TENM1: variants seen among roughly 807,000 people sequenced by gnomAD.
TENM1 encodes the protein teneurin-1.
Under a neutral mutation model 174.8 loss-of-function variants are expected in TENM1, and 35 were observed. That is an observed-to-expected ratio of 0.20 (90% CI 0.15 to 0.27). The LOEUF (loss-of-function observed/expected upper bound fraction) is 0.27, where lower values mean the gene tolerates loss of function less well. Among genes scored for constraint, TENM1 ranks in the 10% least tolerant of loss-of-function variants. The pLI, the probability that TENM1 is intolerant of heterozygous loss-of-function variation, is 1.00. For synonymous variants in TENM1, 781 were observed against 798.7 expected, an observed-to-expected ratio of 0.98 and a Z score of 0.37; for missense variants, 1,633 against 2,130.1, an observed-to-expected ratio of 0.77 and a Z score of 4.59.
intron 1 of TENM1, among the ~76,000 whole-genome samples, chrX:124,948,725 T>C (rs1185745647): frequency 8.9e-6 from 1 of 112,020 alleles, no homozygotes; most frequent in East Asian, 2.8e-4. Context: ...GCTAATTTTT[T>C]GTATTTTTAA....
At chrX:124,972,126 G>A in the TENM1 span, among the ~76,000 whole-genome samples, 7 of 108,932 alleles carry the variant, frequency 6.4e-5, no homozygotes, top group African/African-American at 2.0e-4. Flanking sequence ...CCAGCTATTC[G>A]GGATGCTGAG....
intron 3 of TENM1, among the ~76,000 whole-genome samples, chrX:124,842,170 C>T (rs1355360042): frequency 9.0e-6 from 1 of 111,383 alleles, no homozygotes; most frequent in Non-Finnish European, 1.9e-5. Flanking sequence ...CAGTCTACTG[C>T]CTAGAACTCC....
intron 3 of TENM1, among the ~76,000 whole-genome samples, chrX:124,832,814 A>G (rs1193120661): frequency 8.9e-6 from 1 of 111,970 alleles, no homozygotes; most frequent in African/African-American, 3.2e-5. Context: ...GGCTCAAGAG[A>G]TCCTCCCGCC....
intron 15 of TENM1, among the ~76,000 whole-genome samples, chrX:124,533,387 A>G (rs904094870): frequency 2.7e-5 from 3 of 111,205 alleles, no homozygotes; most frequent in African/African-American, 9.8e-5. Flanking sequence ...TTTTTTCCAA[A>G]GTTAGATCCT....
chrX:125,146,686 T>C, the TENM1 span, among the ~76,000 whole-genome samples: 1 of 111,357 alleles, frequency 9.0e-6, no homozygotes, highest in East Asian at 2.8e-4. Context: ...CTAGAATGCA[T>C]ATCTAGTGAG....
At chrX:125,172,063 T>C in the TENM1 span, among the ~76,000 whole-genome samples, 1 of 111,653 alleles carries the variant, frequency 9.0e-6, no homozygotes, top group Non-Finnish European at 1.9e-5. Context: ...CTTAGAGAGC[T>C]AGATAAAGAG....
At chrX:124,880,428 G>A (rs952059074) in intron 3 of TENM1, among the ~76,000 whole-genome samples, 8 of 111,801 alleles carry the variant, frequency 7.2e-5, no homozygotes, top group African/African-American at 2.3e-4. Flanking sequence ...TTTTGTTGAC[G>A]TCTTAAGGAT....
At chrX:125,135,982 C>T in the TENM1 span, among the ~76,000 whole-genome samples, 3,853 of 111,688 alleles carry the variant, frequency 0.034, 175 homozygotes, top group African/African-American at 0.12. Context: ...TCTACCTTTA[C>T]AACATTTTAA....
chrX:124,381,416 G>T, intron 31 of TENM1, 122 bp from the exon 35 acceptor site: 1 of 655,843 alleles, frequency 1.5e-6, no homozygotes, highest in Non-Finnish European at 2.2e-6. Flanking sequence ...GTCAGTGAGT[G>T]ATTTAAAAAT....
intron 11 of TENM1, among the ~76,000 whole-genome samples, chrX:124,637,381 C>T (rs951851155): frequency 1.8e-5 from 2 of 110,892 alleles, no homozygotes; most frequent in Non-Finnish European, 3.8e-5. Flanking sequence ...AGCCACCGCG[C>T]CTGGCCCCAA....
intron 3 of TENM1, among the ~76,000 whole-genome samples, chrX:124,746,946 G>A (rs899708764): frequency 2.7e-5 from 3 of 110,120 alleles, no homozygotes; most frequent in East Asian, 5.7e-4. Context: ...TGCCAACATA[G>A]TGAAACCAAA....
intron 22 of TENM1, among the ~76,000 whole-genome samples, chrX:124,477,726 A>T: frequency 1.0e-5 from 1 of 96,580 alleles, no homozygotes; most frequent in East Asian, 3.3e-4. Flanking sequence ...CACTCCAGCC[A>T]GGGTGACAGC....
At chrX:124,858,463 C>A (rs914853258) in intron 3 of TENM1, among the ~76,000 whole-genome samples, 4 of 111,707 alleles carry the variant, frequency 3.6e-5, no homozygotes, top group Non-Finnish European at 7.5e-5. Context: ...ATTGACCATG[C>A]CATGATCCAA....
chrX:124,946,504 A>C lies in TENM1; in HGVS notation c.217+17033T>G, dbSNP rs1420209735. Among the ~76,000 whole-genome samples the C allele has an allele frequency of 3.6e-5, 4 of 111,423 alleles. No individual in the cohort carries two copies. In the East Asian group the frequency reaches 1.1e-3, roughly 32 times the overall value. ...GGCTGTCTGATGTTTAATAGTTGGG[A>C]GGATGAGAAGGATCCAATAAAAGAG... On this transcript the variant is annotated intron_variant, in intron 1 of 31. Coordinates refer to ENST00000422452, the Ensembl canonical transcript of TENM1.
At chrX:124,792,442 G>T (rs912234927) in intron 3 of TENM1, among the ~76,000 whole-genome samples, 6 of 112,009 alleles carry the variant, frequency 5.4e-5, no homozygotes, top group Non-Finnish European at 1.1e-4. Flanking sequence ...AGAAGAGAGA[G>T]AATTTTCTAG....
At chrX:124,482,321 C>T (rs1404424860) in intron 21 of TENM1, among the ~76,000 whole-genome samples, 1 of 109,889 alleles carries the variant, frequency 9.1e-6, no homozygotes, top group African/African-American at 3.3e-5. Context: ...ACCTCAAACT[C>T]AACATATCCA....
At chrX:124,904,688 T>C (rs973739579) in intron 1 of TENM1, among the ~76,000 whole-genome samples, 36 of 112,253 alleles carry the variant, frequency 3.2e-4, no homozygotes, top group Admixed American at 1.0e-3. Flanking sequence ...ATCTTCTGAC[T>C]GAAATAGTCA....
At position 124,471,429 on chromosome X, in the gene TENM1, T is replaced by C. The variant is rs1209701027; in HGVS notation, c.3949+10303A>G. 8.5e-5 allele frequency among the ~76,000 whole-genome samples: 5 copies of C among 58,881 alleles called. 1 individual carries two copies. Among genetic ancestry groups the C allele is most frequent in the Non-Finnish European group, 1.4e-4 (5 of 36,180 alleles). The allele number at this position is 58,881 out of a possible 115,157, so 51.1% of individuals were successfully genotyped here. On this transcript the variant is annotated intron_variant, in intron 22 of 31. Coordinates refer to ENST00000422452, the Ensembl canonical transcript of TENM1. ...TTATAATATATAGTAATATATTATA[T>C]ATTATATAATATATAGTACTATATA...
chrX:124,990,036 G>A, the TENM1 span, among the ~76,000 whole-genome samples: 2 of 111,579 alleles, frequency 1.8e-5, no homozygotes, highest in Admixed American at 1.9e-4. Context: ...GTATGTCTCA[G>A]AAAGTTGAAC....
Sources: allele counts gnomAD v4.1 joint callset (sites outside exome capture counted in the v4.1 genomes callset), GRCh38; gene constraint gnomAD v4.1.1; transcripts MANE v1.5; gene names NCBI Gene and HGNC (gene_info 2026-07-23, HGNC 2026-07-21).